Variants in ABCA12 observed in about 807,000 individuals in gnomAD.
The protein encoded by ABCA12 is glucosylceramide transporter ABCA12.
A neutral mutation model predicts 293.5 loss-of-function variants in ABCA12; 156 were observed. The observed-to-expected ratio is 0.53, with a 90% confidence interval of 0.47 to 0.61. The LOEUF (loss-of-function observed/expected upper bound fraction) is 0.61. Ranked by LOEUF, ABCA12 falls within the 20% of genes least tolerant of loss-of-function variation. The pLI, the probability that ABCA12 is intolerant of heterozygous loss-of-function variation, is 0.00. For synonymous variants in ABCA12, 1,063 were observed against 1,108.0 expected (o/e 0.96, Z 0.81); for missense variants, 2,797 against 3,090.2 (o/e 0.91, Z 2.25).
intron 45 of ABCA12, among the ~76,000 whole-genome samples, chr2:214,950,420 G>GTGTATA (rs1378877523): frequency 1.4e-4 from 20 of 146,096 alleles, no homozygotes; most frequent in Non-Finnish European, 2.1e-4. Context: ...GTGTGTGTGT[G>GTGTATA]TATATATATG....
intron 2 of ABCA12, among the ~76,000 whole-genome samples, chr2:215,107,007 A>G (rs1442159857): frequency 2.6e-5 from 4 of 152,320 alleles, no homozygotes; most frequent in East Asian, 3.9e-4. Context: ...AATGTAATGT[A>G]TGGTCATATT....
intron 22 of ABCA12, among the ~76,000 whole-genome samples, chr2:214,998,595 G>C (rs1432193442): frequency 6.6e-6 from 1 of 152,176 alleles, no homozygotes; most frequent in African/African-American, 2.4e-5. Context: ...ACATCCTCAA[G>C]CCCAGATGTA....
At chr2:215,053,460 G>A (rs1701358809) in intron 4 of ABCA12, among the ~76,000 whole-genome samples, 1 of 152,070 alleles carries the variant, frequency 6.6e-6, no homozygotes, top group Non-Finnish European at 1.5e-5. Flanking sequence ...TGGCCAGAGT[G>A]AGAAACATAA....
At chr2:214,979,180 C>A in intron 31 of ABCA12, 140 bp from the exon 32 acceptor site, 2 of 771,104 alleles carry the variant, frequency 2.6e-6, no homozygotes, top group Non-Finnish European at 4.5e-6. Context: ...GCTCTAGAGA[C>A]CCCTTTGCCA....
rs1314952500 is a variant in ABCA12 at position 214,981,567 on chromosome 2, G to C, written c.4579+620C>G. On this transcript the variant is annotated intron_variant, in intron 30 of 52. Transcript: ENST00000272895. ...TTAAGTGCTCAACTCACAGCGGGCA[G>C]TACATAGATATTAACCAATTGACCC... is the stretch of plus-strand genomic sequence containing the variant. Among the ~76,000 whole-genome samples, 3 of 152,146 alleles carry C rather than the reference G, an allele frequency of 2.0e-5. No homozygotes were observed. The East Asian group carries it at 5.8e-4, about 29-fold the overall frequency.
At chr2:215,029,863 T>TA (rs1213806640) in intron 9 of ABCA12, among the ~76,000 whole-genome samples, 1 of 152,164 alleles carries the variant, frequency 6.6e-6, no homozygotes, top group African/African-American at 2.4e-5. Flanking sequence ...CACAAAATGA[T>TA]AAAAATAATG....
chr2:215,037,416 A>T (rs1701016044), intron 7 of ABCA12, among the ~76,000 whole-genome samples: 1 of 152,180 alleles, frequency 6.6e-6, no homozygotes, highest in Non-Finnish European at 1.5e-5. Flanking sequence ...AGCTAAAAAG[A>T]AAAATTAAAT....
At chr2:215,134,327 T>C (rs1575065755) in intron 1 of ABCA12, among the ~76,000 whole-genome samples, 2 of 147,574 alleles carry the variant, frequency 1.4e-5, no homozygotes, top group Non-Finnish European at 3.0e-5. Context: ...TATATGTATA[T>C]ATGTACATAT....
rs754766935 is a variant in ABCA12 at position 215,037,036 on chromosome 2, G to A, written c.902C>T (p.Pro301Leu). The A allele has an allele frequency of 3.7e-6, 6 of 1,613,694 alleles. No individual in the cohort carries two copies. The highest frequency in any genetic ancestry group is 5.1e-6 in the Non-Finnish European group (6 of 1,179,850). ...GAAACCTTCGTTAGTTGCAAAACGTGGATAAACCTTCTGCACAACCAGCAG... is the reference window on the plus strand; with the variant it reads ...GAAACCTTCGTTAGTTGCAAAACGTAGATAAACCTTCTGCACAACCAGCAG... ...SVLLVVQKVYPRFATNEGFRT... is the reference protein window; with the variant it reads ...SVLLVVQKVYLRFATNEGFRT... Residue 301 changes from proline to leucine, a missense_variant, in exon 8 of 53, where the codon CCA becomes CTA. By Grantham distance (98) the Pro-to-Leu change is moderately conservative. Around this residue, in one of 3 missense-constraint regions of ABCA12, gnomAD observed 656 missense variants for 638.2 expected, o/e 1.03. Transcript: ENST00000272895.
At chr2:215,007,565 G>A (rs1394802704) in intron 19 of ABCA12, among the ~76,000 whole-genome samples, 162 bp downstream of exon 19, 2 of 152,200 alleles carry the variant, frequency 1.3e-5, no homozygotes, top group African/African-American at 4.8e-5. Flanking sequence ...ATGAATATGA[G>A]TGATAGATCA....
At chr2:214,940,425 CTTT>C (rs1245958115) in intron 50 of ABCA12, among the ~76,000 whole-genome samples, 2 of 152,008 alleles carry the variant, frequency 1.3e-5, no homozygotes, top group African/African-American at 2.4e-5. Flanking sequence ...CTGAAATTTT[CTTT>C]TTTTGTTGTG....
chr2:214,983,942 G>T (rs1699728121), intron 28 of ABCA12, 77 bp from the exon 29 acceptor site: 1 of 1,310,256 alleles, frequency 7.6e-7, no homozygotes, highest in Non-Finnish European at 1.1e-6. Flanking sequence ...TATCTCAGTT[G>T]TTAGAAGGAA....
At chr2:215,000,606 ATGT>A in intron 22 of ABCA12, 96 bp downstream of exon 22, 1 of 1,418,118 alleles carries the variant, frequency 7.1e-7, no homozygotes, top group Non-Finnish European at 9.9e-7. Context: ...AGTTTGGTGA[ATGT>A]TGTTCCTTTC....
chr2:214,963,537 G>A (rs1359231292), intron 39 of ABCA12, among the ~76,000 whole-genome samples: 2 of 145,300 alleles, frequency 1.4e-5, no homozygotes, highest in Non-Finnish European at 3.0e-5. Flanking sequence ...TAATTGAAAA[G>A]GAGAGACTCC....
chr2:215,124,037 G>C (rs530693512), intron 1 of ABCA12, among the ~76,000 whole-genome samples: 18 of 152,124 alleles, frequency 1.2e-4, no homozygotes, highest in Non-Finnish European at 2.4e-4. Context: ...TTTCATTCCT[G>C]AGTTACTTCA....
At chr2:215,063,689 G>A (rs1369074221) in intron 3 of ABCA12, among the ~76,000 whole-genome samples, 1 of 151,944 alleles carries the variant, frequency 6.6e-6, no homozygotes, top group Non-Finnish European at 1.5e-5. Flanking sequence ...GTACCAGTAT[G>A]TGATTCTTCC....
In ABCA12 at chr2:214,949,028, A is replaced by G. The variant is rs183990041; in HGVS notation, c.6962+12T>C. 2.6e-5 allele frequency: 41 copies of G among 1,592,150 alleles called. No homozygotes were observed. The East Asian group carries it at 2.9e-4, about 11-fold the overall frequency. On this transcript the variant is annotated intron_variant, in intron 46 of 52. Transcript: ENST00000272895. Reference sequence around the variant, plus strand: ...GTTGTACTCGCTAAATTGAAGCATTAGTTTTTCATACCCGGTCTTATTTCT... The same window carrying G: ...GTTGTACTCGCTAAATTGAAGCATTGGTTTTTCATACCCGGTCTTATTTCT...
rs371028637 is a variant in ABCA12 at position 215,015,700 on chromosome 2, T to C, written c.1783-37A>G. ...GGAAGAAAAATATTTCAACTGTGAA[T>C]CATTCGAGAGTCAACTGTTCATTTT... is the stretch of plus-strand genomic sequence containing the variant. On this transcript the variant is annotated intron_variant, in intron 14 of 52. Coordinates refer to ENST00000272895, the MANE Select transcript of ABCA12 (RefSeq NM_173076.3). The C allele has an allele frequency of 2.5e-5, 40 of 1,592,674 alleles. No homozygotes were observed. In the African/African-American group the frequency reaches 4.8e-4, roughly 19 times the overall value.
chr2:215,025,469 T>G, intron 11 of ABCA12: 1 of 515,918 alleles, frequency 1.9e-6, no homozygotes, highest in East Asian at 3.5e-5. Context: ...CCATAAACTC[T>G]TTTGTCACCA....
Sources: gnomAD v4.1 joint callset for allele counts (sites outside exome capture counted in the v4.1 genomes callset) on GRCh38, gnomAD v4.1.1 for gene constraint, gnomAD v4.1.1 regional missense constraint, MANE v1.5 for transcripts, NCBI Gene and HGNC (gene_info 2026-07-23, HGNC 2026-07-21) for gene names.